The following SLAIN2 variants were observed in gnomAD, a reference collection of about 807,000 sequenced individuals.
SLAIN2 encodes the protein SLAIN family member 2, also known as SLAIN motif-containing protein 2.
Under a neutral mutation model 56.6 loss-of-function variants are expected in SLAIN2, and 31 were observed. The observed-to-expected ratio is 0.55, with a 90% confidence interval of 0.41 to 0.74. The LOEUF (loss-of-function observed/expected upper bound fraction) is 0.74. Ranked by LOEUF, SLAIN2 falls within the 30% of genes least tolerant of loss-of-function variation. SLAIN2 has a pLI of 0.00. For synonymous variants in SLAIN2, 317 were observed against 284.9 expected, an observed-to-expected ratio of 1.11 and a Z score of -1.13; for missense variants, 777 against 754.2, an observed-to-expected ratio of 1.03 and a Z score of -0.35.
chr4:48,385,941 TG>T (rs917744156), intron 6 of SLAIN2, among the ~76,000 whole-genome samples: 9 of 151,436 alleles, frequency 5.9e-5, no homozygotes, highest in African/African-American at 2.2e-4. Flanking sequence ...TCTAAAAAAA[TG>T]TTTTTTTTTT....
chr4:48,410,082 G>T (rs1277876495), intron 6 of SLAIN2, among the ~76,000 whole-genome samples: 1 of 152,100 alleles, frequency 6.6e-6, no homozygotes, highest in Non-Finnish European at 1.5e-5. Context: ...CTGTATGAGG[G>T]TTCCAGTTTC....
intron 3 of SLAIN2, 60 bp downstream of exon 3, chr4:48,378,120 A>G: frequency 6.7e-7 from 1 of 1,503,212 alleles, no homozygotes; most frequent in Non-Finnish European, 9.0e-7. Flanking sequence ...GCACTGTATC[A>G]GAAAATAACA....
intron 1 of SLAIN2, among the ~76,000 whole-genome samples, chr4:48,362,413 T>TTC (rs935068293): frequency 2.6e-5 from 4 of 151,192 alleles, no homozygotes; most frequent in African/African-American, 9.8e-5. Context: ...CTGTCTCCCT[T>TTC]TCTCTCTCTC....
intron 6 of SLAIN2, among the ~76,000 whole-genome samples, chr4:48,419,594 G>A (rs1717092185): frequency 6.6e-6 from 1 of 152,044 alleles, no homozygotes; most frequent in Admixed American, 6.6e-5. Context: ...ATCATGTTGT[G>A]CTTTGTGAAG....
chr4:48,410,662 G>C (rs1027850269), intron 6 of SLAIN2, among the ~76,000 whole-genome samples: 6 of 152,004 alleles, frequency 3.9e-5, no homozygotes, highest in African/African-American at 1.2e-4. Flanking sequence ...CTCCCCATCT[G>C]GCCTGCAGCA....
intron 1 of SLAIN2, among the ~76,000 whole-genome samples, chr4:48,353,281 G>T (rs1272194724): frequency 2.0e-5 from 3 of 152,012 alleles, no homozygotes; most frequent in Admixed American, 1.3e-4. Context: ...ACTGCCTTGG[G>T]GAAACTGGAA....
intron 1 of SLAIN2, among the ~76,000 whole-genome samples, chr4:48,344,726 A>G (rs1241602313): frequency 2.0e-5 from 3 of 152,142 alleles, no homozygotes; most frequent in Non-Finnish European, 4.4e-5. Context: ...CATGATAAGA[A>G]ATACATTTTA....
chr4:48,420,506 ATTAGC>A, intron 7 of SLAIN2, 63 bp downstream of exon 7: 2 of 1,548,090 alleles, frequency 1.3e-6, no homozygotes, highest in Non-Finnish European at 1.8e-6. Context: ...ACTGGAATGA[ATTAGC>A]TTCATCCGTA....
chr4:48,370,816 T>C (rs1003253061), intron 2 of SLAIN2, among the ~76,000 whole-genome samples: 1 of 152,200 alleles, frequency 6.6e-6, no homozygotes, highest in African/African-American at 2.4e-5. Context: ...TGGTTTTTAT[T>C]TACTTGGCAG....
chr4:48,344,450 G>T lies in SLAIN2; in HGVS notation c.389+2322G>T, dbSNP rs1341710746. Among the ~76,000 whole-genome samples, 6 of 152,160 alleles carry T rather than the reference G, an allele frequency of 3.9e-5. No individual in the cohort carries two copies. The East Asian group carries it at 1.2e-3, about 29-fold the overall frequency. ...TGTGCCGCAAAGTGCTAGTTCTGAA[G>T]ATGTCAATAAGTGTTATGTAGAAAA... On this transcript the variant is annotated intron_variant, in intron 1 of 7. Coordinates refer to ENST00000264313, the MANE Select transcript of SLAIN2 (RefSeq NM_020846.2).
chr4:48,394,456 C>A (rs1716325327), intron 6 of SLAIN2: 2 of 724,740 alleles, frequency 2.8e-6, no homozygotes, highest in Non-Finnish European at 4.5e-6. Flanking sequence ...ATATTTGCAC[C>A]TTATGGCTTC....
rs1312541319 is a variant in SLAIN2, at chr4:48,424,745, TATCTC to T, written c.*2670_*2674del. 6.6e-6 allele frequency: 1 copy of T among 151,998 alleles called. No individual in the cohort carries two copies. Among genetic ancestry groups the T allele is most frequent in the African/African-American group, 2.4e-5 (1 of 41,416 alleles). 9.4% of individuals were successfully genotyped at this position (151,998 alleles called of 1,614,324 possible). A position where few individuals can be genotyped will look rare whatever the true frequency, so the allele number is the denominator to read the frequency against. ...ATAATTGTCAGATACTTTTTAAAAT[TATCTC>T]AATACATCACTTTTATAAAAAAAAA... On this transcript the variant is annotated 3_prime_UTR_variant, in exon 8 of 8. Transcript: ENST00000264313.
intron 6 of SLAIN2, among the ~76,000 whole-genome samples, chr4:48,398,395 G>A (rs1377052907): frequency 6.6e-6 from 1 of 152,052 alleles, no homozygotes; most frequent in African/African-American, 2.4e-5. Flanking sequence ...CTGGATAGTA[G>A]ACCTTTGTCA....
intron 1 of SLAIN2, among the ~76,000 whole-genome samples, chr4:48,369,019 A>T (rs1715597540): frequency 6.6e-6 from 1 of 152,174 alleles, no homozygotes; most frequent in South Asian, 2.1e-4. Flanking sequence ...TCCTTATTGA[A>T]ACCTTTCACT....
At chr4:48,363,640 C>T (rs1715402558) in intron 1 of SLAIN2, among the ~76,000 whole-genome samples, 2 of 105,248 alleles carry the variant, frequency 1.9e-5, no homozygotes, top group African/African-American at 3.6e-5. Context: ...ACCTCCCTCC[C>T]GGACGGGGCG....
intron 6 of SLAIN2, among the ~76,000 whole-genome samples, chr4:48,391,402 T>C (rs540699937): frequency 6.6e-6 from 1 of 152,364 alleles, no homozygotes; most frequent in African/African-American, 2.4e-5. Flanking sequence ...ATGTGCTTAC[T>C]TAAAGCTTAC....
rs1276231227 is a variant in SLAIN2, at chr4:48,422,417, G to GA, written c.*345dup. 1 of 204,004 alleles carries GA rather than the reference G, an allele frequency of 4.9e-6. No individual in the cohort carries two copies. Among genetic ancestry groups the GA allele is most frequent in the Non-Finnish European group, 1.0e-5 (1 of 100,462 alleles). 12.6% of individuals were successfully genotyped at this position (204,004 alleles called of 1,614,324 possible). A position where few individuals can be genotyped will look rare whatever the true frequency, so the allele number is the denominator to read the frequency against. ...AAGAGAAATGCCCATTTGTAAATGA[G>GA]AAAAATGCCCATTTGTGCACAAGAA... On this transcript the variant is annotated 3_prime_UTR_variant, in exon 8 of 8. Transcript: ENST00000264313.
At chr4:48,342,193 A>T in intron 1 of SLAIN2, 65 bp downstream of exon 1, 1 of 1,325,832 alleles carries the variant, frequency 7.5e-7, no homozygotes, top group Non-Finnish European at 9.6e-7. Flanking sequence ...GCGTCCTCTG[A>T]GGGTCCCTCT....
Position 48,342,134 on chromosome 4 carries a change from C to A in SLAIN2, c.389+6C>A, listed in dbSNP as rs1478119557. 3 of 1,345,230 alleles carry A rather than the reference C, an allele frequency of 2.2e-6. No homozygotes were observed. The highest frequency in any genetic ancestry group is 2.8e-6 in the Non-Finnish European group (3 of 1,054,038). The allele number at this position is 1,345,230 out of a possible 1,614,324, so 83.3% of individuals were successfully genotyped here. On this transcript the variant is annotated splice_donor_region_variant and intron_variant, in intron 1 of 7. Coordinates refer to ENST00000264313, the MANE Select transcript of SLAIN2 (RefSeq NM_020846.2). Reference sequence around the variant, plus strand: ...GAGGAGGAGGAGGAGAGCTGGTGAGCGCGAGGCGCCGGGCAGGAGCTGGGC... The same window carrying A: ...GAGGAGGAGGAGGAGAGCTGGTGAGAGCGAGGCGCCGGGCAGGAGCTGGGC...
Sources: gnomAD v4.1 joint callset for allele counts (sites outside exome capture counted in the v4.1 genomes callset) on GRCh38, gnomAD v4.1.1 for gene constraint, MANE v1.5 for transcripts, NCBI Gene and HGNC (gene_info 2026-07-23, HGNC 2026-07-21) for gene names.